The following TET1 variants were observed in gnomAD, a reference collection of about 807,000 sequenced individuals.
TET1 encodes the protein tet methylcytosine dioxygenase 1, also known as methylcytosine dioxygenase TET1.
TET1 carries 13 observed loss-of-function variants against 148.7 expected under a neutral mutation model. The observed-to-expected ratio is 0.09, with a 90% CI of 0.06 to 0.14. TET1 has a LOEUF of 0.14. TET1 is among the 10% of genes least tolerant of loss of function. The pLI is 1.00. For missense variants in TET1, 2,182 were observed against 2,553.8 expected (o/e 0.85, Z 3.14); for synonymous variants, 907 against 937.2 (o/e 0.97, Z 0.59).
At chr10:68,677,768 G>A (rs1198889412) in intron 8 of TET1, among the ~76,000 whole-genome samples, 3 of 151,998 alleles carry the variant, frequency 2.0e-5, no homozygotes, top group Non-Finnish European at 4.4e-5. Flanking sequence ...TTACAGGCAT[G>A]CGCCACCACG....
At chr10:68,683,841 T>C (rs1270680001) in intron 10 of TET1, among the ~76,000 whole-genome samples, 1 of 152,268 alleles carries the variant, frequency 6.6e-6, no homozygotes, top group Non-Finnish European at 1.5e-5. Context: ...ATCAGCAATA[T>C]TTGCATTCTG....
At chr10:68,611,847 G>A (rs371630729) in intron 3 of TET1, among the ~76,000 whole-genome samples, 1 of 145,314 alleles carries the variant, frequency 6.9e-6, no homozygotes, top group African/African-American at 2.5e-5. Context: ...GAGGTGGGGG[G>A]GGTGGGGAGA....
intron 3 of TET1, among the ~76,000 whole-genome samples, chr10:68,637,775 G>C (rs1178800425): frequency 1.3e-5 from 2 of 151,760 alleles, no homozygotes; most frequent in African/African-American, 4.8e-5. Context: ...AGGAGGCTGA[G>C]GCAGGAGAAT....
intron 10 of TET1, among the ~76,000 whole-genome samples, 182 bp from the exon 11 acceptor site, chr10:68,686,174 A>G (rs2133233655): frequency 6.6e-6 from 1 of 152,372 alleles, no homozygotes; most frequent in African/African-American, 2.4e-5. Context: ...CTGGGAAGTT[A>G]CTATGATTGA....
intron 3 of TET1, among the ~76,000 whole-genome samples, chr10:68,605,644 C>A (rs2054113570): frequency 6.6e-6 from 1 of 152,142 alleles, no homozygotes; most frequent in South Asian, 2.1e-4. Context: ...CTACTAAGAA[C>A]TGGGATTACA....
chr10:68,574,940 C>A (rs1275983124), intron 2 of TET1, among the ~76,000 whole-genome samples: 1 of 152,134 alleles, frequency 6.6e-6, no homozygotes, highest in Middle Eastern at 3.2e-3. Flanking sequence ...TATTTAAAAA[C>A]TTTTAGGGAG....
intron 8 of TET1, chr10:68,674,858 A>G: frequency 2.3e-6 from 1 of 426,242 alleles, no homozygotes; most frequent in South Asian, 2.0e-5. Flanking sequence ...AAATTACTTG[A>G]AAGAAGTGGT....
intron 3 of TET1, among the ~76,000 whole-genome samples, chr10:68,607,942 T>C (rs2054149073): frequency 6.6e-6 from 1 of 151,454 alleles, no homozygotes; most frequent in African/African-American, 2.4e-5. Flanking sequence ...GTGTCTTTTT[T>C]TTTTTTGGAC....
At chr10:68,601,101 G>A in intron 3 of TET1, 67 bp downstream of exon 3, 1 of 1,385,850 alleles carries the variant, frequency 7.2e-7, no homozygotes, top group Non-Finnish European at 1.0e-6. Context: ...TTCTGCACTT[G>A]GGTATATTTG....
At chr10:68,589,012 A>G (rs886694137) in intron 2 of TET1, among the ~76,000 whole-genome samples, 16 of 152,042 alleles carry the variant, frequency 1.1e-4, no homozygotes, top group Admixed American at 9.2e-4. Flanking sequence ...AGTCTCAGCT[A>G]GTAGGGACGC....
At chr10:68,654,177 A>G (rs1483774474) in intron 6 of TET1, among the ~76,000 whole-genome samples, 1 of 151,650 alleles carries the variant, frequency 6.6e-6, no homozygotes, top group Non-Finnish European at 1.5e-5. Context: ...TAAGCTGAGA[A>G]AGGAGTGACA....
intron 2 of TET1, among the ~76,000 whole-genome samples, chr10:68,590,441 T>C (rs1271532535): frequency 1.3e-5 from 2 of 152,124 alleles, no homozygotes; most frequent in Admixed American, 6.6e-5. Context: ...TACTACATGC[T>C]TTTCATATCC....
intron 6 of TET1, among the ~76,000 whole-genome samples, chr10:68,658,808 C>T (rs571093916): frequency 4.7e-4 from 71 of 152,142 alleles, no homozygotes; most frequent in Non-Finnish European, 7.5e-4. Flanking sequence ...GCAGAGGCTG[C>T]AGTGAACTGA....
chr10:68,693,670 G>A lies in TET1; in HGVS notation c.*1856G>A. On this transcript the variant is annotated 3_prime_UTR_variant, in exon 12 of 12. Transcript: ENST00000373644. ...GCCTTAGATTTCCGTTTTAAGACAT[G>A]TATATTTTTGTGAGCCTAAGGTTTC... 4.3e-6 allele frequency: 1 copy of A among 231,918 alleles called. No homozygotes were observed. Among genetic ancestry groups the A allele is most frequent in the South Asian group, 1.8e-4 (1 of 5,516 alleles). The allele number at this position is 231,918 out of a possible 1,614,324, so 14.4% of individuals were successfully genotyped here.
At chr10:68,641,447 G>T (rs2054752225) in intron 3 of TET1, among the ~76,000 whole-genome samples, 1 of 150,560 alleles carries the variant, frequency 6.6e-6, no homozygotes, top group Non-Finnish European at 1.5e-5. Context: ...CTAGTCTAGT[G>T]GTCTCCTATT....
intron 2 of TET1, among the ~76,000 whole-genome samples, chr10:68,594,307 A>T (rs1054627743): frequency 6.6e-6 from 1 of 152,204 alleles, no homozygotes; most frequent in Non-Finnish European, 1.5e-5. Flanking sequence ...GTTGGTACAA[A>T]GAAGAGTTGA....
chr10:68,627,921 G>T (rs1379219825), intron 3 of TET1, among the ~76,000 whole-genome samples: 2 of 151,976 alleles, frequency 1.3e-5, no homozygotes, highest in Non-Finnish European at 2.9e-5. Flanking sequence ...GGGCGGCTGA[G>T]CGAGACTATG....
chr10:68,685,539 AG>A (rs2055497531), intron 10 of TET1, among the ~76,000 whole-genome samples: 1 of 152,148 alleles, frequency 6.6e-6, no homozygotes, highest in Non-Finnish European at 1.5e-5. Context: ...AGATCACTTG[AG>A]GAAAATTAAT....
At chr10:68,658,735 A>C (rs1259151708) in intron 6 of TET1, among the ~76,000 whole-genome samples, 1 of 152,130 alleles carries the variant, frequency 6.6e-6, no homozygotes, top group Non-Finnish European at 1.5e-5. Flanking sequence ...TTTTGAAGAA[A>C]AGGGTAATGT....
Sources: gnomAD v4.1 joint callset for allele counts (sites outside exome capture counted in the v4.1 genomes callset) on GRCh38, gnomAD v4.1.1 for gene constraint, MANE v1.5 for transcripts, NCBI Gene and HGNC (gene_info 2026-07-23, HGNC 2026-07-21) for gene names.